The following TRIAP1 variants were observed in gnomAD, a reference collection of about 807,000 sequenced individuals.
TRIAP1 encodes the protein TP53-regulated inhibitor of apoptosis 1.
A neutral mutation model predicts 8.4 loss-of-function variants in TRIAP1; 8 were observed. That is an observed-to-expected ratio of 0.96 (90% CI 0.56 to 1.73). TRIAP1 has a LOEUF of 1.73. Among genes scored for constraint, TRIAP1 ranks in the 40% most tolerant of loss-of-function variants. The probability of loss-of-function intolerance (pLI) is 0.00; values close to 1 mark genes in which losing one functional copy is unlikely to be tolerated. For missense variants in TRIAP1, 90 were observed against 96.9 expected, an observed-to-expected ratio of 0.93 and a Z score of 0.30; for synonymous variants, 35 against 34.0, an observed-to-expected ratio of 1.03 and a Z score of -0.10.
intron 1 of TRIAP1, 65 bp downstream of exon 1, chr12:120,446,161 C>A: frequency 6.3e-7 from 1 of 1,588,222 alleles, no homozygotes. Context: ...CCGTAAAATA[C>A]GATGAGTGTG....
intron 1 of TRIAP1, among the ~76,000 whole-genome samples, chr12:120,445,372 CAG>C (rs556366324): frequency 1.5e-4 from 23 of 152,296 alleles, no homozygotes; most frequent in Non-Finnish European, 2.5e-4. Context: ...GGCTGGGAGA[CAG>C]AGTGAGACTC....
chr12:120,444,691 G>A lies in TRIAP1; in HGVS notation c.*181C>T, dbSNP rs1056821066. The A allele has an allele frequency of 1.3e-5, 8 of 606,112 alleles. No individual in the cohort carries two copies. Among genetic ancestry groups the A allele is most frequent in the Non-Finnish European group, 2.1e-5 (7 of 340,774 alleles). The allele number at this position is 606,112 out of a possible 1,614,324, so 37.5% of individuals were successfully genotyped here. On this transcript the variant is annotated 3_prime_UTR_variant, in exon 2 of 2. Coordinates refer to ENST00000546954, the MANE Select transcript of TRIAP1 (RefSeq NM_016399.3). The stretch of plus-strand genomic sequence containing the variant: ...GTTCCTGCAAGATACCACAGCAGGT[G>A]AGAAATCATCTCAAAGAGTTCATCT...
At chr12:120,445,920 C>G (rs1877838455) in intron 1 of TRIAP1, 1 of 331,146 alleles carries the variant, frequency 3.0e-6, no homozygotes, top group African/African-American at 2.1e-5. Context: ...CTTCCTATTT[C>G]TGGGTGTTAG....
Position 120,444,948 on chromosome 12 carries a change from A to G in TRIAP1, c.155T>C (p.Ile52Thr), listed in dbSNP as rs1877812443. ...TTCAATAGGAATCTCTTTCTCCTTTATTGCTTTCTGGTAGGAGGAGAAAAC... is the reference window on the plus strand; with the variant it reads ...TTCAATAGGAATCTCTTTCTCCTTTGTTGCTTTCTGGTAGGAGGAGAAAAC... ...KRYQQCVQKAIKEKEIPIEGL... is the reference protein window; with the variant it reads ...KRYQQCVQKATKEKEIPIEGL... The change falls in exon 2 of 2, where the codon ATA becomes ACA. Residue 52 changes from isoleucine to threonine, a missense_variant. Ile to Thr is a moderately conservative substitution (Grantham distance 89). Transcript: ENST00000546954. 3.1e-6 allele frequency: 5 copies of G among 1,612,300 alleles called. No homozygotes were observed. Among genetic ancestry groups the G allele is most frequent in the African/African-American group, 1.3e-5 (1 of 74,912 alleles).
rs1453681019 is a variant in TRIAP1, at chr12:120,446,266, G to A, written c.107C>T (p.Pro36Leu). The A allele has an allele frequency of 2.5e-6, 4 of 1,614,080 alleles. No individual in the cohort carries two copies. The African/African-American group carries it at 5.3e-5, about 22-fold the overall frequency. Residue 36 changes from proline (P) to leucine (L), a missense_variant, in exon 1 of 2, where the codon CCG (proline) becomes CTG (leucine). By Grantham distance (98) the Pro-to-Leu change is moderately conservative (BLOSUM62 -3). Coordinates refer to ENST00000546954, the MANE Select transcript of TRIAP1 (RefSeq NM_016399.3). ...KFLKGDSSGD[P>L]CTDLFKRYQQ... ...GTAGCGCTTGAAGAGGTCGGTGCACGGGTCCCCGGAGCTGTCCCCCTTGAG... is the reference window on the plus strand; with the variant it reads ...GTAGCGCTTGAAGAGGTCGGTGCACAGGTCCCCGGAGCTGTCCCCCTTGAG...
Position 120,444,807 on chromosome 12 carries a change from A to T in TRIAP1, c.*65T>A, listed in dbSNP as rs954137516. ...ATCTGATGGCTATGTTCACAGAGTTAGTTGACAAAAATCCAGAGTCCTCAA... is the reference window on the plus strand; with the variant it reads ...ATCTGATGGCTATGTTCACAGAGTTTGTTGACAAAAATCCAGAGTCCTCAA... On this transcript the variant is annotated 3_prime_UTR_variant, in exon 2 of 2. Coordinates refer to ENST00000546954, the MANE Select transcript of TRIAP1 (RefSeq NM_016399.3). The T allele has an allele frequency of 2.5e-6, 3 of 1,216,850 alleles. No homozygotes were observed. The highest frequency in any genetic ancestry group is 1.2e-5 in the South Asian group (1 of 81,580). The allele number at this position is 1,216,850 out of a possible 1,614,324, so 75.4% of individuals were successfully genotyped here. A position where few individuals can be genotyped will look rare whatever the true frequency, so the allele number is the denominator to read the frequency against.
intron 1 of TRIAP1, chr12:120,445,949 T>C (rs761987301): frequency 9.4e-6 from 4 of 426,350 alleles, no homozygotes; most frequent in Non-Finnish European, 1.7e-5. Flanking sequence ...GTATAAAATA[T>C]GAGTAACTAT....
chr12:120,445,900 G>A, intron 1 of TRIAP1: 1 of 282,800 alleles, frequency 3.5e-6, no homozygotes, highest in Non-Finnish European at 6.6e-6. Context: ...TAGTGAACTC[G>A]GATTAATCAC....
chr12:120,446,002 G>A (rs1306573367), intron 1 of TRIAP1: 4 of 591,490 alleles, frequency 6.8e-6, no homozygotes, highest in Non-Finnish European at 1.2e-5. Flanking sequence ...TGAACCAAAG[G>A]ATGTGACTGT....
At position 120,444,352 on chromosome 12, in the gene TRIAP1, C is replaced by T. The variant is rs2137034434; in HGVS notation, c.*520G>A. ...CCTCTTTGCTAATCCAGGCCACCAT[C>T]AATCTTAACCATTAGTTACTATATA... On this transcript the variant is annotated 3_prime_UTR_variant, in exon 2 of 2. Coordinates refer to ENST00000546954, the MANE Select transcript of TRIAP1 (RefSeq NM_016399.3). 1 of 153,568 alleles carries T rather than the reference C, an allele frequency of 6.5e-6. No homozygotes were observed. Among genetic ancestry groups the T allele is most frequent in the South Asian group, 2.0e-4 (1 of 4,930 alleles). The allele number at this position is 153,568 out of a possible 1,614,324, so 9.5% of individuals were successfully genotyped here.
Position 120,446,349 on chromosome 12 carries a change from G to C in TRIAP1, c.24C>G (p.Cys8Trp). 6.2e-7 allele frequency: 1 copy of C among 1,614,218 alleles called. No individual in the cohort carries two copies. Among genetic ancestry groups the C allele is most frequent in the Non-Finnish European group, 8.5e-7 (1 of 1,180,050 alleles). Reference sequence around the variant, plus strand: ...GGTCGTACTCGCGCTTCATGTCCGTGCATGCCTCCCCCACACTGTTCATGG... The same window carrying C: ...GGTCGTACTCGCGCTTCATGTCCGTCCATGCCTCCCCCACACTGTTCATGG... The part of the protein sequence containing the change: MNSVGEA[C>W]TDMKREYDQC... Residue 8 changes from cysteine to tryptophan, a missense_variant, in exon 1 of 2, where the codon TGC becomes TGG. Physicochemically the swap from Cys to Trp is radical, Grantham distance 215 (BLOSUM62 -2). Transcript: ENST00000546954.
At position 120,444,825 on chromosome 12, in the gene TRIAP1, G is replaced by T; in HGVS notation, c.*47C>A. On this transcript the variant is annotated 3_prime_UTR_variant, in exon 2 of 2. Coordinates refer to ENST00000546954, the MANE Select transcript of TRIAP1 (RefSeq NM_016399.3). ...CAGAGTTAGTTGACAAAAATCCAGA[G>T]TCCTCAATTTCTGGACTTGCGAAAT... is the stretch of plus-strand genomic sequence containing the variant. The T allele has an allele frequency of 6.8e-7, 1 of 1,461,124 alleles. No individual in the cohort carries two copies. The highest frequency in any genetic ancestry group is 9.6e-7 in the Non-Finnish European group (1 of 1,043,608). The allele number at this position is 1,461,124 out of a possible 1,614,324, so 90.5% of individuals were successfully genotyped here. A position where few individuals can be genotyped will look rare whatever the true frequency, so the allele number is the denominator to read the frequency against.
At position 120,444,703 on chromosome 12, in the gene TRIAP1, C is replaced by CAA; in HGVS notation, c.*167_*168dup. 1 of 639,290 alleles carries CAA rather than the reference C, an allele frequency of 1.6e-6. No homozygotes were observed. The highest frequency in any genetic ancestry group is 2.8e-6 in the Non-Finnish European group (1 of 359,148). 39.6% of individuals were successfully genotyped at this position (639,290 alleles called of 1,614,324 possible). A position where few individuals can be genotyped will look rare whatever the true frequency, so the allele number is the denominator to read the frequency against. On this transcript the variant is annotated 3_prime_UTR_variant, in exon 2 of 2. Coordinates refer to ENST00000546954, the MANE Select transcript of TRIAP1 (RefSeq NM_016399.3). ...TACCACAGCAGGTGAGAAATCATCT[C>CAA]AAAGAGTTCATCTTTTACAACTGAG... is the stretch of plus-strand genomic sequence containing the variant.
At chr12:120,445,774 TAAC>T (rs957149439) in intron 1 of TRIAP1, among the ~76,000 whole-genome samples, 2 of 152,084 alleles carry the variant, frequency 1.3e-5, no homozygotes, top group African/African-American at 4.8e-5. Flanking sequence ...GAAGGGTTTA[TAAC>T]AACAAAAAAA....
rs1221338325 is a variant in TRIAP1 at position 120,444,932 on chromosome 12, A to G, written c.171T>C (p.Ile57=). The G allele has an allele frequency of 1.2e-6, 2 of 1,613,538 alleles. No individual in the cohort carries two copies. Among genetic ancestry groups the G allele is most frequent in the African/African-American group, 1.3e-5 (1 of 74,900 alleles). Residue 57 remains isoleucine, a synonymous_variant, in exon 2 of 2, where the codon ATT becomes ATC. Coordinates refer to ENST00000546954, the MANE Select transcript of TRIAP1 (RefSeq NM_016399.3). ...CCATGAACTCCAGTCCTTCAATAGG[A>G]ATCTCTTTCTCCTTTATTGCTTTCT... ...CVQKAIKEKE[I]PIEGLEFMGH... is the part of the protein sequence containing the mutation.
chr12:120,446,061 A>G (rs1425689928), intron 1 of TRIAP1, 165 bp downstream of exon 1: 1 of 896,248 alleles, frequency 1.1e-6, no homozygotes, highest in East Asian at 2.7e-5. Flanking sequence ...AGAGACACCC[A>G]AGTGGCCTCG....
In TRIAP1 at chr12:120,444,958, G is replaced by A. The variant is rs761714405; in HGVS notation, c.148-3C>T. 19 of 1,608,146 alleles carry A rather than the reference G, an allele frequency of 1.2e-5. 1 individual carries two copies. The Admixed American group carries it at 1.3e-4, about 11-fold the overall frequency. ...ATCTCTTTCTCCTTTATTGCTTTCTGGTAGGAGGAGAAAACACATTATAAA... is the reference window on the plus strand; with the variant it reads ...ATCTCTTTCTCCTTTATTGCTTTCTAGTAGGAGGAGAAAACACATTATAAA... On this transcript the variant is annotated splice_region_variant and splice_polypyrimidine_tract_variant and intron_variant, in intron 1 of 1. Coordinates refer to ENST00000546954, the MANE Select transcript of TRIAP1 (RefSeq NM_016399.3).
chr12:120,446,255 G>C lies in TRIAP1; in HGVS notation c.118C>G (p.Leu40Val). 6.2e-7 allele frequency: 1 copy of C among 1,614,226 alleles called. No homozygotes were observed. The highest frequency in any genetic ancestry group is 8.5e-7 in the Non-Finnish European group (1 of 1,180,042). ...ACACACTGCTGGTAGCGCTTGAAGA[G>C]GTCGGTGCACGGGTCCCCGGAGCTG... ...GDSSGDPCTDLFKRYQQCVQK... is the reference protein window; with the variant it reads ...GDSSGDPCTDVFKRYQQCVQK... Residue 40 changes from leucine to valine, a missense_variant, in exon 1 of 2, where the codon CTC becomes GTC. Coordinates refer to ENST00000546954, the MANE Select transcript of TRIAP1 (RefSeq NM_016399.3).
Position 120,444,178 on chromosome 12 carries a change from G to T in TRIAP1, c.*694C>A, listed in dbSNP as rs1318848404. 6.6e-6 allele frequency: 1 copy of T among 152,130 alleles called. No homozygotes were observed. The highest frequency in any genetic ancestry group is 1.5e-5 in the Non-Finnish European group (1 of 68,044). The allele number at this position is 152,130 out of a possible 1,614,324, so 9.4% of individuals were successfully genotyped here. The stretch of plus-strand genomic sequence containing the variant: ...GCAATAGCAGATCTTTGCAATTTAG[G>T]TTCTTCCTCCACAGCTATTCCAAGT... On this transcript the variant is annotated 3_prime_UTR_variant, in exon 2 of 2. Transcript: ENST00000546954.
Sources: allele counts gnomAD v4.1 joint callset (sites outside exome capture counted in the v4.1 genomes callset), GRCh38; gene constraint gnomAD v4.1.1; transcripts MANE v1.5; gene names NCBI Gene and HGNC (gene_info 2026-07-23, HGNC 2026-07-21).